Variants in CAMK2G observed in about 807,000 individuals in gnomAD.
CAMK2G encodes the protein calcium/calmodulin-dependent protein kinase type II subunit gamma.
A neutral mutation model predicts 88.7 loss-of-function variants in CAMK2G; 23 were observed. That is an observed-to-expected ratio of 0.26 (90% CI 0.19 to 0.37). CAMK2G has a LOEUF of 0.37. Ranked by LOEUF, CAMK2G falls within the 10% of genes least tolerant of loss-of-function variation. CAMK2G has a pLI of 1.00. For missense variants in CAMK2G, 476 were observed against 780.8 expected, an observed-to-expected ratio of 0.61 and a Z score of 4.65; for synonymous variants, 263 against 294.8, an observed-to-expected ratio of 0.89 and a Z score of 1.11.
chr10:73,860,743 AG>A, intron 3 of CAMK2G, 86 bp downstream of exon 3: 1 of 948,054 alleles, frequency 1.1e-6, no homozygotes, highest in South Asian at 1.3e-5. Flanking sequence ...CCACAGACAG[AG>A]GTGATCCCAC....
At chr10:73,858,274 G>C (rs955343719) in intron 3 of CAMK2G, among the ~76,000 whole-genome samples, 16 of 152,238 alleles carry the variant, frequency 1.1e-4, no homozygotes, top group Non-Finnish European at 1.8e-4. Flanking sequence ...ACTGTGCACT[G>C]TTCTTGGGCT....
At chr10:73,852,632 G>C (rs558107624) in intron 4 of CAMK2G, 34 of 389,266 alleles carry the variant, frequency 8.7e-5, no homozygotes, top group Admixed American at 7.4e-4. Context: ...TCACAGCTTT[G>C]AGACCAACAT....
chr10:73,823,389 G>A (rs2089776697), intron 17 of CAMK2G, among the ~76,000 whole-genome samples: 1 of 151,952 alleles, frequency 6.6e-6, no homozygotes. Flanking sequence ...CTACTTTTTT[G>A]TATTTTAGTA....
intron 2 of CAMK2G, among the ~76,000 whole-genome samples, chr10:73,862,297 A>ACCCCCCCCCCCCCCCCCCTCCCCCC (rs111889953): frequency 1.3e-5 from 1 of 75,892 alleles, no homozygotes; most frequent in Admixed American, 1.6e-4. Context: ...CTCCTACTCC[A>ACCCCCCCCCCCCCCCCCCTCCCCCC]CCCCCCCCCC....
chr10:73,823,684 C>T (rs2089936836), intron 17 of CAMK2G, among the ~76,000 whole-genome samples: 2 of 152,084 alleles, frequency 1.3e-5, no homozygotes, highest in Admixed American at 6.6e-5. Flanking sequence ...GGGGTCAGGC[C>T]ATGGAGAACG....
chr10:73,815,188 T>A lies in CAMK2G; in HGVS notation c.1594A>T (p.Ile532Phe). 3.1e-6 allele frequency: 5 copies of A among 1,614,244 alleles called. No homozygotes were observed. The highest frequency in any genetic ancestry group is 4.2e-6 in the Non-Finnish European group (5 of 1,180,034). The change falls in exon 22 of 23, where the codon ATT becomes TTT. Residue 532 changes from isoleucine (I) to phenylalanine (F), a missense_variant. Transcript: ENST00000423381. ...TTILNPHVHV[I>F]GEDAACIAYI... ...GCGATGCACGCTGCGTCCTCCCCAA[T>A]CACGTGGACGTGTGGGTTTAGGATG...
chr10:73,865,115 A>C (rs2095538005), intron 2 of CAMK2G, among the ~76,000 whole-genome samples: 1 of 152,208 alleles, frequency 6.6e-6, no homozygotes, highest in Non-Finnish European at 1.5e-5. Flanking sequence ...CACCAGAGAC[A>C]CTGTGAATGG....
intron 4 of CAMK2G, chr10:73,852,742 G>A (rs1055436501): frequency 1.3e-5 from 3 of 238,460 alleles, no homozygotes; most frequent in Non-Finnish European, 2.4e-5. Context: ...GAATCCTGGA[G>A]AGGAGTGTCC....
intron 14 of CAMK2G, 22 bp from the exon 15 acceptor site, chr10:73,828,143 G>A (rs758062472): frequency 1.9e-6 from 3 of 1,606,070 alleles, no homozygotes; most frequent in Non-Finnish European, 8.5e-7. Flanking sequence ...ACAGCAAGAG[G>A]GAAAGAGAAG....
intron 14 of CAMK2G, among the ~76,000 whole-genome samples, chr10:73,831,148 A>G (rs2092367246): frequency 6.6e-6 from 1 of 152,180 alleles, no homozygotes; most frequent in South Asian, 2.1e-4. Context: ...CCTGTTTCAT[A>G]TTATAAAAGG....
At chr10:73,818,805 A>C (rs2086677642) in intron 19 of CAMK2G, 1 of 456,162 alleles carries the variant, frequency 2.2e-6, no homozygotes, top group Non-Finnish European at 4.4e-6. Context: ...CTGGGGCCCC[A>C]CGGGCGAAGA....
At chr10:73,820,616 T>C (rs2664285) in intron 18 of CAMK2G, among the ~76,000 whole-genome samples, 138,063 of 138,162 alleles carry the variant, frequency 1, 68,982 homozygotes, top group Middle Eastern at 1. Context: ...CATGCCTCAG[T>C]CTCCCGAGTA....
At chr10:73,847,409 G>A (rs1050767196) in intron 9 of CAMK2G, 62 bp from the exon 10 acceptor site, 10 of 1,574,696 alleles carry the variant, frequency 6.4e-6, no homozygotes, top group East Asian at 4.5e-5. Flanking sequence ...TGCAACACTG[G>A]TTCTGTCTTC....
chr10:73,829,270 ATTTAT>A (rs2091906199), intron 14 of CAMK2G, among the ~76,000 whole-genome samples: 1 of 128,926 alleles, frequency 7.8e-6, no homozygotes, highest in Non-Finnish European at 1.6e-5. Context: ...TTGGCCTTTT[ATTTAT>A]TTATTTATTT....
At chr10:73,815,631 T>A (rs1439896122) in intron 21 of CAMK2G, among the ~76,000 whole-genome samples, 1 of 152,232 alleles carries the variant, frequency 6.6e-6, no homozygotes, top group Non-Finnish European at 1.5e-5. Context: ...ATGTGACTCT[T>A]AACTAAAGCC....
chr10:73,854,830 C>T (rs572082061), intron 3 of CAMK2G, among the ~76,000 whole-genome samples: 2 of 152,174 alleles, frequency 1.3e-5, no homozygotes, highest in African/African-American at 4.8e-5. Context: ...GACTCCGAAG[C>T]CTGCCAGGGC....
At chr10:73,816,933 T>G in intron 21 of CAMK2G, 90 bp downstream of exon 21, 1 of 1,612,458 alleles carries the variant, frequency 6.2e-7, no homozygotes, top group Non-Finnish European at 8.5e-7. Context: ...AAGGGAAAAG[T>G]GGGCAACTGG....
intron 4 of CAMK2G, chr10:73,852,939 C>G (rs770636732): frequency 2.2e-5 from 11 of 509,904 alleles, no homozygotes; most frequent in Admixed American, 3.6e-5. Context: ...ACAAAGGCAT[C>G]TGTGCAAGGC....
In CAMK2G at chr10:73,828,128, A is replaced by C; in HGVS notation, c.1054-7T>G. 6.2e-7 allele frequency: 1 copy of C among 1,612,228 alleles called. No individual in the cohort carries two copies. The highest frequency in any genetic ancestry group is 1.3e-5 in the African/African-American group (1 of 75,014). ...TGGAACTCGACTTCCTTTTCTGGAC[A>C]CACCACAGCAAGAGGGAAAGAGAAG... is the stretch of plus-strand genomic sequence containing the variant. On this transcript the variant is annotated splice_polypyrimidine_tract_variant and splice_region_variant and intron_variant, in intron 14 of 22. Coordinates refer to ENST00000423381, the MANE Select transcript of CAMK2G (RefSeq NM_001367534.1).
Sources: allele counts gnomAD v4.1 joint callset (sites outside exome capture counted in the v4.1 genomes callset), GRCh38; gene constraint gnomAD v4.1.1; transcripts MANE v1.5; gene names NCBI Gene and HGNC (gene_info 2026-07-23, HGNC 2026-07-21).